Variants in DENND1A observed in about 807,000 individuals in gnomAD.
DENND1A encodes the protein DENN domain containing 1A.
Under a neutral mutation model 113.7 loss-of-function variants are expected in DENND1A, and 51 were observed. The ratio of observed to expected loss-of-function variants is 0.45; its 90% CI spans 0.36 to 0.57. The LOEUF (loss-of-function observed/expected upper bound fraction) is 0.57. Ranked by LOEUF, DENND1A falls within the 20% of genes least tolerant of loss-of-function variation. The pLI, the probability that DENND1A is intolerant of heterozygous loss-of-function variation, is 0.00. For synonymous variants in DENND1A, 565 were observed against 570.8 expected (o/e 0.99, Z 0.14); for missense variants, 1,258 against 1,395.9 (o/e 0.90, Z 1.57).
Position 123,885,866 on chromosome 9 carries a change from G to A in DENND1A, c.18-6845C>T, listed in dbSNP as rs546829034. ...ATGATCTCAGCTCACTGCAACCTCC[G>A]CCTCCCGGGTTCAAGTGATTATCCT... On this transcript the variant is annotated intron_variant, in intron 1 of 23. Transcript: ENST00000394215. Among the ~76,000 whole-genome samples, 35 of 152,102 alleles carry A rather than the reference G, an allele frequency of 2.3e-4. 1 individual carries two copies. The East Asian group carries it at 6.2e-3, about 27-fold the overall frequency.
chr9:123,674,395 A>T (rs553321891), intron 6 of DENND1A, among the ~76,000 whole-genome samples: 1 of 138,210 alleles, frequency 7.2e-6, no homozygotes, highest in South Asian at 2.4e-4. Flanking sequence ...CACACACACA[A>T]TAGAAGCCTA....
At chr9:123,575,922 C>T (rs2058610890) in intron 12 of DENND1A, among the ~76,000 whole-genome samples, 1 of 152,096 alleles carries the variant, frequency 6.6e-6, no homozygotes, top group South Asian at 2.1e-4. Context: ...TATATAATAA[C>T]CTCTGTAAAT....
intron 5 of DENND1A, among the ~76,000 whole-genome samples, chr9:123,714,912 T>C (rs1178843750): frequency 1.3e-5 from 2 of 152,176 alleles, no homozygotes; most frequent in African/African-American, 4.8e-5. Context: ...CCAGGCACAG[T>C]GGCTCATGCC....
intron 3 of DENND1A, among the ~76,000 whole-genome samples, chr9:123,782,367 G>A (rs573760207): frequency 1.3e-5 from 2 of 152,284 alleles, no homozygotes; most frequent in Admixed American, 1.3e-4. Context: ...AAACACATCT[G>A]GTTAAGCCTC....
intron 21 of DENND1A, among the ~76,000 whole-genome samples, chr9:123,394,785 A>G (rs972622745): frequency 1.2e-4 from 18 of 152,182 alleles, no homozygotes; most frequent in Non-Finnish European, 2.2e-4. Flanking sequence ...CCTTGGGGGC[A>G]CTTTCCTCTG....
chr9:123,474,936 T>C (rs1396290659), intron 13 of DENND1A, among the ~76,000 whole-genome samples: 2 of 152,220 alleles, frequency 1.3e-5, no homozygotes, highest in Non-Finnish European at 2.9e-5. Flanking sequence ...GAGGCACTCA[T>C]CTTTTCCGAG....
At chr9:123,805,766 A>C (rs539664553) in intron 2 of DENND1A, among the ~76,000 whole-genome samples, 1 of 152,248 alleles carries the variant, frequency 6.6e-6, no homozygotes, top group East Asian at 1.9e-4. Context: ...TGCATTAAAC[A>C]AAGTTTGTAC....
intron 5 of DENND1A, among the ~76,000 whole-genome samples, chr9:123,754,782 C>T (rs146517624): frequency 2.0e-3 from 304 of 152,272 alleles, no homozygotes; most frequent in African/African-American, 7.2e-3. Context: ...GATGAAAGCA[C>T]GAAGACTATT....
intron 21 of DENND1A, chr9:123,400,044 A>G (rs1219942221): frequency 6.6e-6 from 1 of 152,262 alleles, no homozygotes; most frequent in Non-Finnish European, 1.5e-5. Context: ...GCCCCACGGA[A>G]GCCCCTGGGC....
intron 11 of DENND1A, among the ~76,000 whole-genome samples, chr9:123,589,404 C>T (rs1247940507): frequency 6.6e-6 from 1 of 151,326 alleles, no homozygotes; most frequent in Non-Finnish European, 1.5e-5. Context: ...TCATTTTATC[C>T]ACAGCTTGTG....
chr9:123,388,286 A>G (rs1384661247), intron 21 of DENND1A, among the ~76,000 whole-genome samples: 1 of 152,228 alleles, frequency 6.6e-6, no homozygotes, highest in African/African-American at 2.4e-5. Context: ...CAGAACTGCA[A>G]TCACACCACA....
intron 2 of DENND1A, among the ~76,000 whole-genome samples, chr9:123,853,136 T>G (rs1472543794): frequency 6.6e-6 from 1 of 150,832 alleles, no homozygotes; most frequent in East Asian, 2.0e-4. Context: ...GCCAGGCTGG[T>G]CTCGAACTTC....
intron 21 of DENND1A, among the ~76,000 whole-genome samples, chr9:123,392,918 G>T (rs560172527): frequency 6.6e-6 from 1 of 152,146 alleles, no homozygotes; most frequent in Non-Finnish European, 1.5e-5. Context: ...ATGATGTTTG[G>T]TTTTCCATTC....
chr9:123,666,209 T>C (rs1186812440), intron 8 of DENND1A, among the ~76,000 whole-genome samples: 3 of 152,264 alleles, frequency 2.0e-5, no homozygotes, highest in Non-Finnish European at 2.9e-5. Flanking sequence ...TTATGTTATG[T>C]ATTTGTTACC....
chr9:123,772,392 G>A (rs914026483), intron 3 of DENND1A, among the ~76,000 whole-genome samples: 1 of 152,200 alleles, frequency 6.6e-6, no homozygotes, highest in Non-Finnish European at 1.5e-5. Flanking sequence ...TGGGACAACA[G>A]TCATTAACCA....
At chr9:123,802,363 C>G (rs1391675042) in intron 2 of DENND1A, among the ~76,000 whole-genome samples, 3 of 152,132 alleles carry the variant, frequency 2.0e-5, no homozygotes, top group African/African-American at 7.2e-5. Flanking sequence ...CCTCTGGTCA[C>G]CAGACCATGC....
chr9:123,382,315 G>A lies in DENND1A; in HGVS notation c.2330C>T (p.Pro777Leu), dbSNP rs1311100904. 8.1e-6 allele frequency: 13 copies of A among 1,610,298 alleles called. No homozygotes were observed. Among genetic ancestry groups the A allele is most frequent in the East Asian group, 4.5e-5 (2 of 44,868 alleles). Residue 777 changes from proline to leucine, a missense_variant, in exon 24 of 24, where the codon CCG (proline) becomes CTG (leucine). Physicochemically the swap from Pro to Leu is moderately conservative, Grantham distance 98 (BLOSUM62 -3). This residue lies in a region of DENND1A where 1,159 missense variants were observed against 1,231.7 expected (regional missense o/e 0.94). Transcript: ENST00000394215. ...KTPELGIVPP[P>L]PIPRPAKLQA... ...GAGCTTGGCCGGGCGGGGAATGGGCGGTGGAGGCACGATGCCCAGCTCTGG... is the reference window on the plus strand; with the variant it reads ...GAGCTTGGCCGGGCGGGGAATGGGCAGTGGAGGCACGATGCCCAGCTCTGG...
intron 3 of DENND1A, among the ~76,000 whole-genome samples, chr9:123,776,537 T>C (rs1830503994): frequency 1.3e-5 from 2 of 152,218 alleles, no homozygotes; most frequent in African/African-American, 2.4e-5. Flanking sequence ...TTCAAATGTG[T>C]ACTTCTGATA....
chr9:123,569,075 C>T (rs546146238), intron 12 of DENND1A, among the ~76,000 whole-genome samples: 41 of 152,010 alleles, frequency 2.7e-4, no homozygotes, highest in Admixed American at 4.6e-4. Context: ...TACAAACGAA[C>T]GAAAAAGTAG....
Sources: gnomAD v4.1 joint callset for allele counts (sites outside exome capture counted in the v4.1 genomes callset) on GRCh38, gnomAD v4.1.1 for gene constraint, gnomAD v4.1.1 regional missense constraint, MANE v1.5 for transcripts, NCBI Gene and HGNC (gene_info 2026-07-23, HGNC 2026-07-21) for gene names.